The following USP4 variants were observed in gnomAD, a reference collection of about 807,000 sequenced individuals.
The protein encoded by USP4 is ubiquitin carboxyl-terminal hydrolase 4.
USP4 carries 72 observed loss-of-function variants against 118.2 expected under a neutral mutation model. The ratio of observed to expected loss-of-function variants is 0.61; its 90% CI spans 0.50 to 0.74. The LOEUF (loss-of-function observed/expected upper bound fraction) is 0.74, where lower values mean the gene tolerates loss of function less well. Among genes scored for constraint, USP4 ranks in the 30% least tolerant of loss-of-function variants. The probability of loss-of-function intolerance (pLI) is 0.00; values close to 1 mark genes in which losing one functional copy is unlikely to be tolerated. For missense variants in USP4, 1,037 were observed against 1,185.7 expected (o/e 0.87, Z 1.84); for synonymous variants, 415 against 440.4 (o/e 0.94, Z 0.72).
chr3:49,318,566 T>C (rs2047465810), intron 6 of USP4: 2 of 985,206 alleles, frequency 2.0e-6, no homozygotes, highest in South Asian at 9.4e-5. Context: ...ACTCTGAAAA[T>C]GCCCAGAATT....
Position 49,278,853 on chromosome 3 carries a change from A to T in USP4, c.2694T>A (p.Asp898Glu), listed in dbSNP as rs776888839. 1.2e-6 allele frequency: 2 copies of T among 1,613,348 alleles called. No homozygotes were observed. Among genetic ancestry groups the T allele is most frequent in the Admixed American group, 3.3e-5 (2 of 59,818 alleles). ...NKLNGKWYYFDDSNVSLASED... is the reference protein window; with the variant it reads ...NKLNGKWYYFEDSNVSLASED... Reference sequence around the variant, plus strand: ...CAGAGGCCAGGGACACGTTGCTATCATCAAAGTAATACCATTTACCATTCA... The same window carrying T: ...CAGAGGCCAGGGACACGTTGCTATCTTCAAAGTAATACCATTTACCATTCA... The change falls in exon 21 of 22, where the codon GAT becomes GAA. Residue 898 changes from aspartate (D) to glutamate (E), a missense_variant. Asp to Glu is a conservative substitution (Grantham distance 45). Around this residue, in one of 3 missense-constraint regions of USP4, gnomAD observed 522 missense variants for 592.6 expected, o/e 0.88. Coordinates refer to ENST00000265560, the MANE Select transcript of USP4 (RefSeq NM_003363.4).
chr3:49,299,017 C>T (rs2047237234), intron 11 of USP4, among the ~76,000 whole-genome samples: 1 of 152,208 alleles, frequency 6.6e-6, no homozygotes, highest in South Asian at 2.1e-4. Context: ...GAGCAATCCT[C>T]CCGCCTCAGC....
chr3:49,328,034 C>A (rs1374523759), intron 2 of USP4, among the ~76,000 whole-genome samples: 1 of 151,994 alleles, frequency 6.6e-6, no homozygotes, highest in Non-Finnish European at 1.5e-5. Flanking sequence ...ATTTGTATTT[C>A]TTCTATAATT....
At chr3:49,314,679 CCTCTT>C (rs2047418052) in intron 6 of USP4, among the ~76,000 whole-genome samples, 1 of 152,112 alleles carries the variant, frequency 6.6e-6, no homozygotes. Context: ...GTATGGCACT[CCTCTT>C]CTCAGTAACT....
intron 4 of USP4, among the ~76,000 whole-genome samples, chr3:49,325,406 A>G (rs2047543059): frequency 6.6e-6 from 1 of 151,966 alleles, no homozygotes; most frequent in South Asian, 2.1e-4. Context: ...CCCAGGCTGC[A>G]GTGCAGTGGT....
chr3:49,313,935 G>C (rs1451999603), intron 6 of USP4: 2 of 151,734 alleles, frequency 1.3e-5, no homozygotes, highest in African/African-American at 4.8e-5. Flanking sequence ...TCAAACTCCT[G>C]GACTCAAGCA....
intron 11 of USP4, 87 bp from the exon 12 acceptor site, chr3:49,298,722 A>G: frequency 8.5e-7 from 1 of 1,174,658 alleles, no homozygotes; most frequent in Non-Finnish European, 1.3e-6. Context: ...CTAGGGGCAG[A>G]GGAGCCCTTC....
chr3:49,335,708 CT>C, intron 1 of USP4, 112 bp from the exon 2 acceptor site: 4 of 1,221,000 alleles, frequency 3.3e-6, no homozygotes, highest in African/African-American at 1.5e-5. Context: ...GCAATACCCA[CT>C]AAAAAACACT....
At chr3:49,280,716 T>C in intron 20 of USP4, 28 bp downstream of exon 20, 1 of 1,589,802 alleles carries the variant, frequency 6.3e-7, no homozygotes, top group Middle Eastern at 1.7e-4. Flanking sequence ...TTTCAACATC[T>C]CAGAAGGAAG....
intron 6 of USP4, chr3:49,312,736 G>C: frequency 3.4e-6 from 1 of 290,228 alleles, no homozygotes; most frequent in South Asian, 2.9e-5. Context: ...GGAGGTTGCA[G>C]TGAGCCGAGA....
rs1344209164 is a variant in USP4 at position 49,277,743 on chromosome 3, A to G, written c.*550T>C. On this transcript the variant is annotated 3_prime_UTR_variant, in exon 22 of 22. Coordinates refer to ENST00000265560, the MANE Select transcript of USP4 (RefSeq NM_003363.4). Reference sequence around the variant, plus strand: ...ACTAGATATCTTCCTTAGCGGGGAGAAAGCTGGAAATTACAAGATGACTCA... The same window carrying G: ...ACTAGATATCTTCCTTAGCGGGGAGGAAGCTGGAAATTACAAGATGACTCA... The G allele has an allele frequency of 6.0e-6, 1 of 165,702 alleles. No individual in the cohort carries two copies. Among genetic ancestry groups the G allele is most frequent in the Non-Finnish European group, 1.3e-5 (1 of 77,570 alleles). The allele number at this position is 165,702 out of a possible 1,614,324, so 10.3% of individuals were successfully genotyped here. A position where few individuals can be genotyped will look rare whatever the true frequency, so the allele number is the denominator to read the frequency against.
chr3:49,315,711 T>C (rs556279119), intron 6 of USP4, among the ~76,000 whole-genome samples: 1 of 152,144 alleles, frequency 6.6e-6, no homozygotes, highest in Non-Finnish European at 1.5e-5. Flanking sequence ...CCCAGGCATG[T>C]CACGTGATTA....
At chr3:49,333,933 CA>C (rs1322439414) in intron 2 of USP4, among the ~76,000 whole-genome samples, 1 of 152,102 alleles carries the variant, frequency 6.6e-6, no homozygotes, top group Non-Finnish European at 1.5e-5. Context: ...GCAGGAGAAT[CA>C]CTTGAACCCA....
intron 3 of USP4, among the ~76,000 whole-genome samples, chr3:49,327,056 C>T (rs1020085498): frequency 4.6e-5 from 7 of 152,070 alleles, no homozygotes; most frequent in African/African-American, 1.7e-4. Flanking sequence ...TTAAGATAAA[C>T]AAGATGCAGG....
chr3:49,287,629 C>T lies in USP4; in HGVS notation c.1973-1304G>A, dbSNP rs140322563. 3.3e-5 allele frequency among the ~76,000 whole-genome samples: 5 copies of T among 152,120 alleles called. No homozygotes were observed. The East Asian group carries it at 7.7e-4, about 24-fold the overall frequency. Reference sequence around the variant, plus strand: ...CTGTGATTACAGGCACGCACCACCACGCCCAGCTAATTTTTGTATTTTTAG... The same window carrying T: ...CTGTGATTACAGGCACGCACCACCATGCCCAGCTAATTTTTGTATTTTTAG... On this transcript the variant is annotated intron_variant, in intron 15 of 21. Coordinates refer to ENST00000265560, the MANE Select transcript of USP4 (RefSeq NM_003363.4).
rs762009032 is a variant in USP4 at position 49,335,513 on chromosome 3, T to C, written c.185A>G (p.His62Arg). ...DSWDMYNVGEHNLFPGPIDNS... is the reference protein window; with the variant it reads ...DSWDMYNVGERNLFPGPIDNS... ...GTCTATTGGGCCAGGAAATAGGTTA[T>C]GTTCACCCACATTGTACATGTCCCA... Residue 62 changes from histidine (H) to arginine (R), a missense_variant, in exon 2 of 22, where the codon CAT becomes CGT. His to Arg is a conservative substitution (Grantham distance 29). Coordinates refer to ENST00000265560, the MANE Select transcript of USP4 (RefSeq NM_003363.4). 3.7e-6 allele frequency: 6 copies of C among 1,614,252 alleles called. No individual in the cohort carries two copies. The East Asian group carries it at 1.3e-4, about 36-fold the overall frequency.
chr3:49,302,422 A>C lies in USP4; in HGVS notation c.1249T>G (p.Tyr417Asp). 6.2e-7 allele frequency: 1 copy of C among 1,614,098 alleles called. No individual in the cohort carries two copies. The highest frequency in any genetic ancestry group is 1.1e-5 in the South Asian group (1 of 91,070). Residue 417 changes from tyrosine (Y) to aspartate (D), a missense_variant, in exon 10 of 22, where the codon TAC becomes GAC. Around this residue, in one of 3 missense-constraint regions of USP4, gnomAD observed 487 missense variants for 534.1 expected, o/e 0.91. Transcript: ENST00000265560. ...CCATTGGCATCCTTCAGCTCCAAGT[A>C]GGGCTTTTTCTTTACCCGGTTCAGA... ...EDLNRVKKKP[Y>D]LELKDANGRP...
At chr3:49,334,394 G>A (rs1056416312) in intron 2 of USP4, among the ~76,000 whole-genome samples, 5 of 152,166 alleles carry the variant, frequency 3.3e-5, no homozygotes, top group African/African-American at 4.8e-5. Flanking sequence ...CAAAGTAAAT[G>A]ATATTGTTTA....
chr3:49,294,344 CACT>C, intron 14 of USP4, 60 bp downstream of exon 14: 2 of 1,525,476 alleles, frequency 1.3e-6, no homozygotes, highest in South Asian at 1.2e-5. Flanking sequence ...CAGGAGTTGC[CACT>C]ACTATTACTG....
Sources: gnomAD v4.1 joint callset for allele counts (sites outside exome capture counted in the v4.1 genomes callset) on GRCh38, gnomAD v4.1.1 for gene constraint, gnomAD v4.1.1 regional missense constraint, MANE v1.5 for transcripts, NCBI Gene and HGNC (gene_info 2026-07-23, HGNC 2026-07-21) for gene names.